Variants in CPNE1 observed in about 807,000 individuals in gnomAD.
The protein encoded by CPNE1 is copine 1.
In CPNE1, 58 loss-of-function variants were observed where a neutral mutation model predicts 63.2. The observed-to-expected ratio is 0.92, with a 90% confidence interval of 0.74 to 1.14. CPNE1 has a LOEUF of 1.14. CPNE1 is among the 50% of genes most tolerant of loss of function. CPNE1 has a pLI of 0.00. For missense variants in CPNE1, 672 were observed against 661.7 expected, an observed-to-expected ratio of 1.02 and a Z score of -0.17; for synonymous variants, 237 against 249.0, an observed-to-expected ratio of 0.95 and a Z score of 0.45.
intron 13 of CPNE1, among the ~76,000 whole-genome samples, chr20:35,627,726 G>A (rs1011047939): frequency 6.6e-6 from 1 of 152,064 alleles, no homozygotes; most frequent in Non-Finnish European, 1.5e-5. Context: ...ATAAGGATCC[G>A]TACTATGGAT....
At chr20:35,647,820 C>T (rs757910839) in intron 1 of CPNE1, among the ~76,000 whole-genome samples, 17 of 149,530 alleles carry the variant, frequency 1.1e-4, no homozygotes, top group Non-Finnish European at 1.9e-4. Flanking sequence ...TTTGGGAGGC[C>T]GAGGTGGGCG....
Position 35,626,636 on chromosome 20 carries a change from C to T in CPNE1, c.1404G>A (p.Leu468=). 6.2e-7 allele frequency: 1 copy of T among 1,614,180 alleles called. No homozygotes were observed. Among genetic ancestry groups the T allele is most frequent in the Non-Finnish European group, 8.5e-7 (1 of 1,180,036 alleles). ...MEQLDADGGP[L]HTRSGQAAAR... Reference sequence around the variant, plus strand: ...CAGCAGCCTGCCCAGAACGTGTATGCAGGGGTCCACCATCAGCGTCCAGCT... The same window carrying T: ...CAGCAGCCTGCCCAGAACGTGTATGTAGGGGTCCACCATCAGCGTCCAGCT... Residue 468 remains leucine (L), a synonymous_variant, in exon 15 of 16, where the codon CTG becomes CTA. Transcript: ENST00000397443.
chr20:35,631,590 G>A lies in CPNE1; in HGVS notation c.628-12C>T, dbSNP rs760493727. The A allele has an allele frequency of 1.9e-6, 3 of 1,612,468 alleles. No homozygotes were observed. Among genetic ancestry groups the A allele is most frequent in the Admixed American group, 3.3e-5 (2 of 59,992 alleles). ...TCGGAGCATTGCACCTGAGGGAAAGGTGTGTGTGGACATAAACAAGCCAGG... is the reference window on the plus strand; with the variant it reads ...TCGGAGCATTGCACCTGAGGGAAAGATGTGTGTGGACATAAACAAGCCAGG... On this transcript the variant is annotated splice_polypyrimidine_tract_variant and intron_variant, in intron 7 of 15. Coordinates refer to ENST00000397443, the MANE Select transcript of CPNE1 (RefSeq NM_152925.3).
rs192808213 is a variant in CPNE1, at chr20:35,643,674, C to T, written c.1-10751G>A. ...AGGAGAATTGCTTGAACCCAGGAGGCGGAGCTGAGATCACGCCACTGCACT... is the reference window on the plus strand; with the variant it reads ...AGGAGAATTGCTTGAACCCAGGAGGTGGAGCTGAGATCACGCCACTGCACT... On this transcript the variant is annotated intron_variant, in intron 1 of 15. Coordinates refer to ENST00000397443, the MANE Select transcript of CPNE1 (RefSeq NM_152925.3). 2.4e-4 allele frequency among the ~76,000 whole-genome samples: 37 copies of T among 152,136 alleles called. No individual in the cohort carries two copies. The East Asian group carries it at 6.6e-3, about 27-fold the overall frequency.
chr20:35,640,234 C>T (rs1047946582), intron 1 of CPNE1, among the ~76,000 whole-genome samples: 1 of 152,140 alleles, frequency 6.6e-6, no homozygotes, highest in Non-Finnish European at 1.5e-5. Flanking sequence ...GTTTAATCTC[C>T]TTTGAAATCT....
intron 1 of CPNE1, chr20:35,653,275 G>A: frequency 6.2e-7 from 1 of 1,613,666 alleles, no homozygotes; most frequent in South Asian, 1.1e-5. Context: ...TCCTGCACTG[G>A]TTATTGCTGA....
intron 1 of CPNE1, chr20:35,664,276 G>A (rs965730540): frequency 6.6e-6 from 1 of 152,306 alleles, no homozygotes; most frequent in African/African-American, 2.4e-5. Flanking sequence ...GGTGTGACCT[G>A]GGTCCCCTTT....
intron 1 of CPNE1, chr20:35,650,974 C>T (rs1418831711): frequency 6.6e-6 from 1 of 152,464 alleles, no homozygotes; most frequent in East Asian, 1.9e-4. Flanking sequence ...TTTTCATGAT[C>T]TCTCATCTAT....
chr20:35,628,901 C>T (rs776204678), intron 13 of CPNE1, among the ~76,000 whole-genome samples: 14 of 152,148 alleles, frequency 9.2e-5, no homozygotes, highest in Non-Finnish European at 1.2e-4. Flanking sequence ...GGTAAAAAGC[C>T]AGGTGGATAA....
chr20:35,651,068 C>G (rs1447892190), intron 1 of CPNE1: 1 of 152,136 alleles, frequency 6.6e-6, no homozygotes, highest in African/African-American at 2.4e-5. Flanking sequence ...CCTGTAAGGC[C>G]AAGTTTTTCA....
chr20:35,634,589 A>C (rs994525944), intron 1 of CPNE1, among the ~76,000 whole-genome samples: 1 of 151,978 alleles, frequency 6.6e-6, no homozygotes, highest in Non-Finnish European at 1.5e-5. Flanking sequence ...GCTAGACTCC[A>C]TTTCCAAAAA....
At chr20:35,652,704 T>A in intron 1 of CPNE1, 1 of 1,614,140 alleles carries the variant, frequency 6.2e-7, no homozygotes, top group Non-Finnish European at 8.5e-7. Context: ...AAAAGAAATC[T>A]AAAATCTCAT....
At chr20:35,627,909 C>T (rs1036941403) in intron 13 of CPNE1, among the ~76,000 whole-genome samples, 1 of 152,064 alleles carries the variant, frequency 6.6e-6, no homozygotes, top group African/African-American at 2.4e-5. Context: ...ACTCACGAGG[C>T]TGAGGTGGGA....
chr20:35,632,361 G>C lies in CPNE1; in HGVS notation c.334C>G (p.Leu112Val). Residue 112 changes from leucine (L) to valine (V), a missense_variant, in exon 4 of 16, where the codon CTC (leucine) becomes GTC (valine). Leu to Val is a conservative substitution (Grantham distance 32). Transcript: ENST00000397443. ...GQIVSSQVLT[L>V]PLMLKPGKPA... ...TTTCCAGGCTTCAGCATCAAGGGGAGAGTCAGTACCTGGCTGGACACAATC... is the reference window on the plus strand; with the variant it reads ...TTTCCAGGCTTCAGCATCAAGGGGACAGTCAGTACCTGGCTGGACACAATC... 1 of 1,614,056 alleles carries C rather than the reference G, an allele frequency of 6.2e-7. No individual in the cohort carries two copies. The highest frequency in any genetic ancestry group is 8.5e-7 in the Non-Finnish European group (1 of 1,179,982).
At chr20:35,651,508 A>G (rs1014799682) in intron 1 of CPNE1, 7 of 152,246 alleles carry the variant, frequency 4.6e-5, no homozygotes, top group African/African-American at 1.7e-4. Context: ...GCTAACAAAG[A>G]TAATTTCAAC....
intron 14 of CPNE1, 59 bp from the exon 15 acceptor site, chr20:35,626,862 C>A: frequency 7.4e-7 from 1 of 1,355,344 alleles, no homozygotes. Flanking sequence ...CCTGCAAACA[C>A]CCCAGCCACA....
At chr20:35,652,384 C>CCATT in intron 1 of CPNE1, 1 of 949,232 alleles carries the variant, frequency 1.1e-6, no homozygotes, top group Non-Finnish European at 1.6e-6. Flanking sequence ...AACAGTCAAC[C>CCATT]AATGCTCTAT....
intron 1 of CPNE1, among the ~76,000 whole-genome samples, chr20:35,637,495 G>T (rs1436716270): frequency 6.6e-6 from 1 of 151,984 alleles, no homozygotes; most frequent in Admixed American, 6.6e-5. Context: ...GTTATTTCTG[G>T]TTCATCTAAC....
At chr20:35,660,695 A>G (rs2034183779) in intron 1 of CPNE1, among the ~76,000 whole-genome samples, 2 of 152,242 alleles carry the variant, frequency 1.3e-5, no homozygotes, top group African/African-American at 2.4e-5. Context: ...CAGCCACATA[A>G]CAGGGTAACT....
Sources: gnomAD v4.1 joint callset for allele counts (sites outside exome capture counted in the v4.1 genomes callset) on GRCh38, gnomAD v4.1.1 for gene constraint, MANE v1.5 for transcripts, NCBI Gene and HGNC (gene_info 2026-07-23, HGNC 2026-07-21) for gene names.